Variants in ATP8A2 observed in about 807,000 individuals in gnomAD.
The protein encoded by ATP8A2 is ATPase phospholipid transporting 8A2.
In ATP8A2, 100 loss-of-function variants were observed where a neutral mutation model predicts 165.6. That is an observed-to-expected ratio of 0.60 (90% CI 0.51 to 0.71). ATP8A2 has a LOEUF of 0.71. Ranked by LOEUF, ATP8A2 falls within the 30% of genes least tolerant of loss-of-function variation. The pLI, the probability that ATP8A2 is intolerant of heterozygous loss-of-function variation, is 0.00. For synonymous variants in ATP8A2, 543 were observed against 548.8 expected (o/e 0.99, Z 0.15); for missense variants, 1,227 against 1,479.5 (o/e 0.83, Z 2.80).
At chr13:25,800,083 G>A (rs1372244737) in intron 27 of ATP8A2, among the ~76,000 whole-genome samples, 3 of 152,132 alleles carry the variant, frequency 2.0e-5, no homozygotes, top group Non-Finnish European at 4.4e-5. Context: ...CTTATTTAAT[G>A]TCCACCAACT....
At chr13:25,696,985 A>C (rs896438363) in intron 24 of ATP8A2, among the ~76,000 whole-genome samples, 11 of 152,222 alleles carry the variant, frequency 7.2e-5, no homozygotes, top group African/African-American at 2.7e-4. Context: ...TATAATCATG[A>C]GAAAGAAGTT....
rs146529659 is a variant in ATP8A2 at position 25,892,291 on chromosome 13, T to C, written c.3183+29883T>C. 2.6e-3 allele frequency among the ~76,000 whole-genome samples: 402 copies of C among 152,270 alleles called. 3 individuals are homozygous for C. The highest frequency in any genetic ancestry group is 0.017 in the East Asian group (88 of 5,164). On this transcript the variant is annotated intron_variant, in intron 33 of 36. Transcript: ENST00000381655. Reference sequence around the variant, plus strand: ...GCGCCTGGCACCTTTTTCTCATTTTTATTAGTAGGTAGTGTCAGCTTGGGT... The same window carrying C: ...GCGCCTGGCACCTTTTTCTCATTTTCATTAGTAGGTAGTGTCAGCTTGGGT...
chr13:25,591,398 C>T (rs1450790863), intron 24 of ATP8A2: 2 of 456,280 alleles, frequency 4.4e-6, no homozygotes, highest in South Asian at 3.1e-5. Context: ...TAAGTTCAAT[C>T]ATATAGTATT....
intron 33 of ATP8A2, among the ~76,000 whole-genome samples, chr13:25,896,377 A>G (rs1176194685): frequency 6.6e-6 from 1 of 152,146 alleles, no homozygotes; most frequent in Non-Finnish European, 1.5e-5. Flanking sequence ...TTCCAGTTTG[A>G]TTGCACTGTG....
chr13:25,644,035 C>G (rs11838737), intron 24 of ATP8A2, among the ~76,000 whole-genome samples: 5,253 of 151,186 alleles, frequency 0.035, 158 homozygotes, highest in East Asian at 0.13. Context: ...CTCTTGATTT[C>G]TTTTTCAGAA....
At chr13:25,581,278 C>T (rs979859865) in intron 22 of ATP8A2, among the ~76,000 whole-genome samples, 1 of 152,162 alleles carries the variant, frequency 6.6e-6, no homozygotes, top group South Asian at 2.1e-4. Flanking sequence ...CACACCCATC[C>T]TCAGCATGAG....
chr13:25,551,577 A>G, intron 11 of ATP8A2, 74 bp downstream of exon 11: 1 of 1,454,420 alleles, frequency 6.9e-7, no homozygotes, highest in Admixed American at 1.8e-5. Flanking sequence ...CCATGGTTGA[A>G]GTGTGGTGTC....
intron 24 of ATP8A2, among the ~76,000 whole-genome samples, chr13:25,646,509 A>G (rs2041674560): frequency 6.6e-6 from 1 of 151,936 alleles, no homozygotes; most frequent in Admixed American, 6.6e-5. Context: ...CAAAAAAATT[A>G]GCCAGGTGTG....
At chr13:25,836,642 T>A (rs991726083) in intron 28 of ATP8A2, among the ~76,000 whole-genome samples, 1 of 152,118 alleles carries the variant, frequency 6.6e-6, no homozygotes, top group Non-Finnish European at 1.5e-5. Flanking sequence ...GAGGTCCTAA[T>A]TCCTTTCCTT....
chr13:26,014,889 A>G (rs970029094), intron 36 of ATP8A2, among the ~76,000 whole-genome samples: 1 of 152,216 alleles, frequency 6.6e-6, no homozygotes. Context: ...TCTTCATGAC[A>G]GCATGTGTAA....
chr13:25,374,772 G>A (rs2032557547), intron 1 of ATP8A2, among the ~76,000 whole-genome samples: 1 of 152,064 alleles, frequency 6.6e-6, no homozygotes, highest in African/African-American at 2.4e-5. Context: ...GCATAGTGTG[G>A]GCTCCTGGGG....
intron 27 of ATP8A2, among the ~76,000 whole-genome samples, chr13:25,819,178 A>C (rs1015115379): frequency 6.6e-6 from 1 of 152,136 alleles, no homozygotes; most frequent in Non-Finnish European, 1.5e-5. Flanking sequence ...GATTCTGTGC[A>C]TTGCTCTGTA....
At chr13:25,963,393 CAAAAA>C (rs763926807) in intron 34 of ATP8A2, among the ~76,000 whole-genome samples, 6 of 115,390 alleles carry the variant, frequency 5.2e-5, no homozygotes, top group African/African-American at 1.3e-4. Flanking sequence ...GACTCCGTCT[CAAAAA>C]AAAAAAAAAA....
At chr13:25,716,535 T>C (rs1196663188) in intron 25 of ATP8A2, among the ~76,000 whole-genome samples, 1 of 152,222 alleles carries the variant, frequency 6.6e-6, no homozygotes, top group Non-Finnish European at 1.5e-5. Context: ...CTTTTGCACA[T>C]GGATATTCAG....
At chr13:25,690,255 T>C (rs969055520) in intron 24 of ATP8A2, among the ~76,000 whole-genome samples, 2 of 152,152 alleles carry the variant, frequency 1.3e-5, no homozygotes, top group Non-Finnish European at 2.9e-5. Context: ...ATAAATAGTC[T>C]CTTTCTTACA....
intron 33 of ATP8A2, among the ~76,000 whole-genome samples, chr13:25,895,119 CAAA>C (rs767115773): frequency 6.6e-6 from 1 of 152,138 alleles, no homozygotes; most frequent in Non-Finnish European, 1.5e-5. Flanking sequence ...TGCCATTTTT[CAAA>C]AAGAATGCTT....
At chr13:25,842,469 C>T (rs796655203) in intron 30 of ATP8A2, among the ~76,000 whole-genome samples, 34 of 152,140 alleles carry the variant, frequency 2.2e-4, no homozygotes, top group African/African-American at 6.7e-4. Flanking sequence ...GACATCAGTT[C>T]GAGACCAGCC....
At chr13:26,019,781 A>T in intron 36 of ATP8A2, 107 bp from the exon 37 acceptor site, 1 of 721,366 alleles carries the variant, frequency 1.4e-6, no homozygotes, top group Non-Finnish European at 2.5e-6. Context: ...AGGAGGCCAG[A>T]TGTCGCACTC....
At chr13:25,500,048 G>A (rs535826391) in intron 2 of ATP8A2, among the ~76,000 whole-genome samples, 1 of 152,300 alleles carries the variant, frequency 6.6e-6, no homozygotes, top group East Asian at 1.9e-4. Context: ...TCAGCAAGGC[G>A]TGTGTGTCAT....
Sources: allele counts gnomAD v4.1 joint callset (sites outside exome capture counted in the v4.1 genomes callset), GRCh38; gene constraint gnomAD v4.1.1; transcripts MANE v1.5; gene names NCBI Gene and HGNC (gene_info 2026-07-23, HGNC 2026-07-21).